NRXN3: variants seen among roughly 807,000 people sequenced by gnomAD.
NRXN3 encodes neurexin III.
In NRXN3, 32 loss-of-function variants were observed where a neutral mutation model predicts 137.6. The observed-to-expected ratio is 0.23, with a 90% CI of 0.18 to 0.31. NRXN3 has a LOEUF of 0.31. NRXN3 is among the 10% of genes least tolerant of loss of function. The pLI, the probability that NRXN3 is intolerant of heterozygous loss-of-function variation, is 1.00. For synonymous variants in NRXN3, 798 were observed against 784.5 expected (o/e 1.02, Z -0.29); for missense variants, 1,574 against 2,062.5 (o/e 0.76, Z 4.59).
intron 4 of NRXN3, among the ~76,000 whole-genome samples, chr14:78,334,115 A>G (rs916633735): frequency 6.6e-6 from 1 of 152,180 alleles, no homozygotes; most frequent in African/African-American, 2.4e-5. Flanking sequence ...AGACTGGAGG[A>G]GGAGACAATT....
chr14:78,591,932 G>A lies in NRXN3; in HGVS notation c.758-53188G>A, dbSNP rs893379888. Among the ~76,000 whole-genome samples the A allele has an allele frequency of 2.0e-5, 3 of 152,142 alleles. No homozygotes were observed. In the South Asian group the frequency reaches 6.2e-4, roughly 32 times the overall value. On this transcript the variant is annotated intron_variant, in intron 4 of 20. Coordinates refer to ENST00000335750, the MANE Select transcript of NRXN3 (RefSeq NM_001330195.2). The stretch of plus-strand genomic sequence containing the variant: ...TGTAGCATTTTCCTACCCTTCCTGT[G>A]TAGGAAGCAGGTGCATTGGACCACC...
chr14:78,610,533 A>G (rs1012532655), intron 4 of NRXN3, among the ~76,000 whole-genome samples: 2 of 152,212 alleles, frequency 1.3e-5, no homozygotes, highest in African/African-American at 4.8e-5. Flanking sequence ...TTGATATTAA[A>G]ATTTGTAATG....
chr14:79,703,336 CAAAG>C (rs372617841), intron 19 of NRXN3, among the ~76,000 whole-genome samples: 4 of 152,072 alleles, frequency 2.6e-5, no homozygotes, highest in African/African-American at 9.7e-5. Context: ...GATTACAAAA[CAAAG>C]AAAAAACTTT....
chr14:79,280,821 A>G (rs1392185413), intron 15 of NRXN3: 5 of 403,146 alleles, frequency 1.2e-5, no homozygotes, highest in African/African-American at 8.1e-5. Flanking sequence ...CTCTTTTGCA[A>G]CCTTCTACTC....
chr14:79,335,201 A>G (rs1398391936), intron 15 of NRXN3, among the ~76,000 whole-genome samples: 1 of 152,112 alleles, frequency 6.6e-6, no homozygotes, highest in East Asian at 1.9e-4. Flanking sequence ...CTCTTATGTT[A>G]CAGTATAAAG....
intron 4 of NRXN3, among the ~76,000 whole-genome samples, chr14:78,413,938 C>T (rs1432003085): frequency 1.3e-5 from 2 of 152,102 alleles, no homozygotes; most frequent in African/African-American, 2.4e-5. Flanking sequence ...AGGTTTTTGC[C>T]ATGCTGTTTT....
chr14:78,858,435 A>C (rs1375867275), intron 10 of NRXN3, among the ~76,000 whole-genome samples: 1 of 152,182 alleles, frequency 6.6e-6, no homozygotes, highest in African/African-American at 2.4e-5. Flanking sequence ...TTCTACCTTC[A>C]CTAGAGTAAT....
chr14:79,219,729 C>T (rs191613743), intron 15 of NRXN3, among the ~76,000 whole-genome samples: 111 of 147,664 alleles, frequency 7.5e-4, no homozygotes, highest in African/African-American at 2.5e-3. Flanking sequence ...CTATATCTGA[C>T]GGTCATATAA....
intron 15 of NRXN3, among the ~76,000 whole-genome samples, chr14:79,319,361 C>A (rs935273689): frequency 6.6e-6 from 1 of 152,146 alleles, no homozygotes; most frequent in Non-Finnish European, 1.5e-5. Flanking sequence ...ACTACACCCC[C>A]CTGAGCATCT....
At chr14:79,164,665 A>G (rs1382562228) in intron 15 of NRXN3, among the ~76,000 whole-genome samples, 1 of 151,980 alleles carries the variant, frequency 6.6e-6, no homozygotes, top group African/African-American at 2.4e-5. Context: ...TGTCATGCCT[A>G]TTTCCCTAAA....
chr14:79,069,703 C>T (rs894675701), intron 15 of NRXN3, among the ~76,000 whole-genome samples: 4 of 152,092 alleles, frequency 2.6e-5, no homozygotes, highest in African/African-American at 9.7e-5. Context: ...GTCTCAAGAT[C>T]TGGCCCTGGT....
chr14:79,279,596 C>CTGGCTGCGG, intron 15 of NRXN3: 1 of 987,050 alleles, frequency 1.0e-6, no homozygotes, highest in South Asian at 4.7e-5. Flanking sequence ...TTCTCTTCCT[C>CTGGCTGCGG]TGGCTGCGGT....
intron 15 of NRXN3, among the ~76,000 whole-genome samples, chr14:79,451,174 A>G (rs1484304082): frequency 3.4e-5 from 5 of 147,524 alleles, no homozygotes; most frequent in Non-Finnish European, 7.6e-5. Context: ...GGGAACAGAA[A>G]AAAAAAAAAA....
intron 16 of NRXN3, among the ~76,000 whole-genome samples, chr14:79,644,812 A>G (rs1287280743): frequency 7.4e-6 from 1 of 135,926 alleles, no homozygotes; most frequent in East Asian, 2.0e-4. Flanking sequence ...GCACTTTTAC[A>G]TATATTATCT....
intron 2 of NRXN3, among the ~76,000 whole-genome samples, chr14:78,271,485 A>AC (rs925241186): frequency 1.8e-5 from 2 of 114,240 alleles, no homozygotes; most frequent in African/African-American, 5.8e-5. Flanking sequence ...TTAAAAAAAA[A>AC]AAAAAACAAA....
Position 79,327,297 on chromosome 14 carries a change from C to CTCA in NRXN3, c.3263-139922_3263-139921insATC, listed in dbSNP as rs563430849. 8.7e-3 allele frequency among the ~76,000 whole-genome samples: 1,326 copies of CTCA among 152,252 alleles called. 20 individuals are homozygous for CTCA. The highest frequency in any genetic ancestry group is 0.03 in the African/African-American group (1,252 of 41,546). On this transcript the variant is annotated intron_variant, in intron 15 of 20. Coordinates refer to ENST00000335750, the MANE Select transcript of NRXN3 (RefSeq NM_001330195.2). ...TTTGGTGTAGACCTATAAATAGATT[C>CTCA]TCGTCTTTTCCTTGTAACCCCCTAT...
chr14:79,394,747 C>G (rs1039220118), intron 15 of NRXN3, among the ~76,000 whole-genome samples: 2 of 152,060 alleles, frequency 1.3e-5, no homozygotes, highest in African/African-American at 4.8e-5. Flanking sequence ...TAAAAGTATC[C>G]CAGGGGAGTC....
At chr14:78,603,514 G>T (rs2097219152) in intron 4 of NRXN3, among the ~76,000 whole-genome samples, 1 of 152,284 alleles carries the variant, frequency 6.6e-6, no homozygotes, top group South Asian at 2.1e-4. Context: ...TCGGTGGGTG[G>T]TAGGAAAGGA....
chr14:79,437,431 C>T (rs1014973920), intron 15 of NRXN3, among the ~76,000 whole-genome samples: 4 of 150,640 alleles, frequency 2.7e-5, no homozygotes, highest in Non-Finnish European at 4.4e-5. Context: ...AAAAAAAAAG[C>T]TCCATCTGAG....
Sources: gnomAD v4.1 joint callset for allele counts (sites outside exome capture counted in the v4.1 genomes callset) on GRCh38, gnomAD v4.1.1 for gene constraint, MANE v1.5 for transcripts, NCBI Gene and HGNC (gene_info 2026-07-23, HGNC 2026-07-21) for gene names.